Variants in CNIH2 observed in about 807,000 individuals in gnomAD.
The protein encoded by CNIH2 is protein cornichon homolog 2.
A neutral mutation model predicts 22.9 loss-of-function variants in CNIH2; 8 were observed. The ratio of observed to expected loss-of-function variants is 0.35; its 90% CI spans 0.20 to 0.63. The LOEUF is 0.63. Ranked by LOEUF, CNIH2 falls within the 30% of genes least tolerant of loss-of-function variation. The pLI, the probability that CNIH2 is intolerant of heterozygous loss-of-function variation, is 0.72. For missense variants in CNIH2, 105 were observed against 206.2 expected (o/e 0.51, Z 3.01); for synonymous variants, 74 against 78.2 (o/e 0.95, Z 0.28).
At chr11:66,281,187 T>TA (rs1385469955) in intron 1 of CNIH2, among the ~76,000 whole-genome samples, 1 of 152,268 alleles carries the variant, frequency 6.6e-6, no homozygotes, top group East Asian at 1.9e-4. Flanking sequence ...GCCCTGCCCC[T>TA]AACCCTCCAA....
At chr11:66,283,222 G>T (rs1243229811) in intron 4 of CNIH2, 26 bp from the exon 5 acceptor site, 2 of 1,613,714 alleles carry the variant, frequency 1.2e-6, no homozygotes, top group Admixed American at 3.3e-5. Flanking sequence ...CCTGATGGCA[G>T]ACACTCAGGC....
At position 66,283,714 on chromosome 11, in the gene CNIH2, A is replaced by AGT; in HGVS notation, c.*118_*119insTG. 5 of 1,155,528 alleles carry AGT rather than the reference A, an allele frequency of 4.3e-6. No homozygotes were observed. The highest frequency in any genetic ancestry group is 6.1e-6 in the Non-Finnish European group (5 of 816,804). 71.6% of individuals were successfully genotyped at this position (1,155,528 alleles called of 1,614,324 possible). A position where few individuals can be genotyped will look rare whatever the true frequency, so the allele number is the denominator to read the frequency against. On this transcript the variant is annotated 3_prime_UTR_variant, in exon 6 of 6. Transcript: ENST00000311445. ...GGAGGGAGGGGGCACTGGTGCCCCC[A>AGT]GCCTCTCCAACCCCCAAACTGCTGC...
chr11:66,281,778 C>T (rs1366693599), intron 1 of CNIH2, among the ~76,000 whole-genome samples: 1 of 151,992 alleles, frequency 6.6e-6, no homozygotes, highest in African/African-American at 2.4e-5. Context: ...TGCATTTCCC[C>T]CATTTGCTCA....
chr11:66,283,530 G>A, intron 5 of CNIH2, 40 bp from the exon 6 acceptor site: 1 of 1,605,048 alleles, frequency 6.2e-7, no homozygotes, highest in Non-Finnish European at 8.5e-7. Context: ...GGGTGGCTGT[G>A]TGTGTGCAGG....
chr11:66,278,678 A>G (rs1032465871), intron 1 of CNIH2, 141 bp downstream of exon 1: 5 of 454,016 alleles, frequency 1.1e-5, no homozygotes, highest in Non-Finnish European at 1.7e-5. Context: ...CTTCGCCCCC[A>G]TTAACACCCC....
chr11:66,283,285 T>C lies in CNIH2; in HGVS notation c.349T>C (p.Tyr117His). 1 of 1,614,110 alleles carries C rather than the reference T, an allele frequency of 6.2e-7. No homozygotes were observed. ...HRPADGSEVM[Y>H]DAVSIMNADI... is the part of the protein sequence containing the mutation. ...TCCTGCAGATGGCTCTGAGGTCATG[T>C]ATGATGCGGTCTCCATCATGAATGC... The change falls in exon 5 of 6, where the codon TAT becomes CAT. Residue 117 changes from tyrosine to histidine, a missense_variant. Transcript: ENST00000311445.
Position 66,282,320 on chromosome 11 carries a change from C to G in CNIH2, c.143C>G (p.Ala48Gly). 2 of 1,553,190 alleles carry G rather than the reference C, an allele frequency of 1.3e-6. No homozygotes were observed. Among genetic ancestry groups the G allele is most frequent in the Non-Finnish European group, 1.8e-6 (2 of 1,140,924 alleles). ...AACCCCATCGACCAGGGGAACCCTG[C>G]GCGGGCAGTAAGTGATACATGTGCT... The part of the protein sequence containing the change: ...FKNPIDQGNP[A>G]RARERLKNIE... The change falls in exon 2 of 6, where the codon GCG (alanine) becomes GGG (glycine). Residue 48 changes from alanine to glycine, a missense_variant. Ala to Gly is a moderately conservative substitution (Grantham distance 60, BLOSUM62 0). Coordinates refer to ENST00000311445, the MANE Select transcript of CNIH2 (RefSeq NM_182553.3).
intron 1 of CNIH2, among the ~76,000 whole-genome samples, chr11:66,278,915 G>GC (rs776355321): frequency 0.047 from 1,421 of 30,030 alleles, 85 homozygotes; most frequent in Middle Eastern, 0.059. Flanking sequence ...TCTGTCTGCT[G>GC]CCCCCCCCCC....
Position 66,283,109 on chromosome 11 carries a change from G to A in CNIH2, c.273G>A (p.Leu91=). The A allele has an allele frequency of 1.2e-6, 2 of 1,613,988 alleles. No individual in the cohort carries two copies. The highest frequency in any genetic ancestry group is 1.3e-5 in the African/African-American group (1 of 75,036). ...MFLCAAEWVT[L]GLNIPLLFYH... ...TGTGTGCAGCAGAGTGGGTGACCCT[G>A]GGCCTCAACATCCCCCTCCTCTTCT... The change falls in exon 4 of 6, where the codon CTG becomes CTA. Residue 91 remains leucine (L), a synonymous_variant. Coordinates refer to ENST00000311445, the MANE Select transcript of CNIH2 (RefSeq NM_182553.3).
Position 66,283,028 on chromosome 11 carries a change from C to A in CNIH2, c.199-7C>A. 6.2e-7 allele frequency: 1 copy of A among 1,611,130 alleles called. No homozygotes were observed. On this transcript the variant is annotated splice_region_variant and splice_polypyrimidine_tract_variant and intron_variant, in intron 3 of 5. Transcript: ENST00000311445. ...AGGCCGCTGACCTCTCACCCTCACT[C>A]CCCCAGCTGGTGGTCCCAGAATACT...
chr11:66,283,295 T>C lies in CNIH2; in HGVS notation c.359T>C (p.Val120Ala). Residue 120 changes from valine to alanine, a missense_variant, in exon 5 of 6, where the codon GTC becomes GCC. Coordinates refer to ENST00000311445, the MANE Select transcript of CNIH2 (RefSeq NM_182553.3). ...GGCTCTGAGGTCATGTATGATGCGGTCTCCATCATGAATGCTGACATTCTC... is the reference window on the plus strand; with the variant it reads ...GGCTCTGAGGTCATGTATGATGCGGCCTCCATCATGAATGCTGACATTCTC... Reference protein sequence around the residue: ...ADGSEVMYDAVSIMNADILNY... With the variant: ...ADGSEVMYDAASIMNADILNY... 1 of 1,614,008 alleles carries C rather than the reference T, an allele frequency of 6.2e-7. No homozygotes were observed. The highest frequency in any genetic ancestry group is 8.5e-7 in the Non-Finnish European group (1 of 1,179,942).
Position 66,283,754 on chromosome 11 carries a change from C to A in CNIH2, c.*157C>A. The A allele has an allele frequency of 6.7e-6, 5 of 744,952 alleles. No individual in the cohort carries two copies. The highest frequency in any genetic ancestry group is 3.7e-5 in the South Asian group (2 of 54,506). The allele number at this position is 744,952 out of a possible 1,614,324, so 46.1% of individuals were successfully genotyped here. A position where few individuals can be genotyped will look rare whatever the true frequency, so the allele number is the denominator to read the frequency against. ...CAAACTGCTGCTGCGGGGAACCCCCCCCACCCCGCCTTCAGAGCCCTCCCC... is the reference window on the plus strand; with the variant it reads ...CAAACTGCTGCTGCGGGGAACCCCCACCACCCCGCCTTCAGAGCCCTCCCC... On this transcript the variant is annotated 3_prime_UTR_variant, in exon 6 of 6. Transcript: ENST00000311445.
chr11:66,281,469 G>T (rs1335795027), intron 1 of CNIH2: 1 of 456,202 alleles, frequency 2.2e-6, no homozygotes, highest in Non-Finnish European at 4.4e-6. Flanking sequence ...CGGATTTCCT[G>T]CCCCACCAAT....
intron 1 of CNIH2, chr11:66,281,353 T>A (rs1857255970): frequency 4.4e-6 from 2 of 455,990 alleles, no homozygotes; most frequent in Non-Finnish European, 8.8e-6. Flanking sequence ...GACATGAAAA[T>A]AAAACTAGTA....
chr11:66,284,019 C>T lies in CNIH2; in HGVS notation c.*422C>T, dbSNP rs1857308154. The T allele has an allele frequency of 1.4e-5, 3 of 212,724 alleles. No homozygotes were observed. In the South Asian group the frequency reaches 2.1e-4, roughly 15 times the overall value. 13.2% of individuals were successfully genotyped at this position (212,724 alleles called of 1,614,324 possible). On this transcript the variant is annotated 3_prime_UTR_variant, in exon 6 of 6. Transcript: ENST00000311445. ...TACCCGCACCGGGAATGAGCAGGCT[C>T]AGCAGGGGGGCAGCCCCACCCCTAG...
intron 2 of CNIH2, 191 bp from the exon 3 acceptor site, chr11:66,282,542 C>A: frequency 1.2e-6 from 1 of 844,696 alleles, no homozygotes; most frequent in Non-Finnish European, 1.9e-6. Flanking sequence ...GGGCCGTTGC[C>A]ATGGAGACGC....
intron 2 of CNIH2, 91 bp from the exon 3 acceptor site, chr11:66,282,642 C>A: frequency 6.9e-7 from 1 of 1,451,678 alleles, no homozygotes; most frequent in Non-Finnish European, 9.6e-7. Context: ...ATCGCTCTGG[C>A]GCCCCCTGGC....
intron 1 of CNIH2, chr11:66,281,470 C>T (rs1353259262): frequency 2.2e-6 from 1 of 456,254 alleles, no homozygotes; most frequent in Non-Finnish European, 4.4e-6. Flanking sequence ...GGATTTCCTG[C>T]CCCACCAATC....
intron 1 of CNIH2, 90 bp downstream of exon 1, chr11:66,278,627 C>A: frequency 9.9e-7 from 1 of 1,013,510 alleles, no homozygotes; most frequent in Non-Finnish European, 1.3e-6. Flanking sequence ...GGTCTCAGAG[C>A]CCAGGGGAAA....
Sources: gnomAD v4.1 joint callset for allele counts (sites outside exome capture counted in the v4.1 genomes callset) on GRCh38, gnomAD v4.1.1 for gene constraint, MANE v1.5 for transcripts, NCBI Gene and HGNC (gene_info 2026-07-23, HGNC 2026-07-21) for gene names.